Variants in MYO3B observed in about 807,000 individuals in gnomAD.
MYO3B encodes the protein myosin-IIIb.
MYO3B carries 156 observed loss-of-function variants against 174.6 expected under a neutral mutation model. The observed-to-expected ratio is 0.89, with a 90% confidence interval of 0.78 to 1.02. MYO3B has a LOEUF of 1.02. MYO3B is among the 50% of genes least tolerant of loss of function. MYO3B has a pLI of 0.00. For missense variants in MYO3B, 1,632 were observed against 1,639.4 expected (o/e 1.00, Z 0.08); for synonymous variants, 563 against 569.1 (o/e 0.99, Z 0.15).
At chr2:170,551,611 TG>T (rs1244312801) in intron 32 of MYO3B, among the ~76,000 whole-genome samples, 3 of 139,848 alleles carry the variant, frequency 2.1e-5, no homozygotes, top group Non-Finnish European at 3.1e-5. Context: ...TTGAGGCTTG[TG>T]GGCATGAGGA....
At chr2:170,387,569 G>A (rs774841474) in intron 14 of MYO3B, among the ~76,000 whole-genome samples, 3 of 152,154 alleles carry the variant, frequency 2.0e-5, no homozygotes, top group Non-Finnish European at 2.9e-5. Flanking sequence ...GTAGAATTTA[G>A]CAGCATTGCA....
intron 32 of MYO3B, among the ~76,000 whole-genome samples, chr2:170,557,620 T>C (rs756781001): frequency 7.2e-5 from 11 of 152,142 alleles, no homozygotes; most frequent in Non-Finnish European, 1.5e-4. Context: ...ATGTTTGATA[T>C]AATACAGGGA....
chr2:170,647,869 T>TAAAC (rs1698498027), intron 32 of MYO3B: 1 of 152,192 alleles, frequency 6.6e-6, no homozygotes, highest in South Asian at 2.1e-4. Flanking sequence ...TGATAAAATG[T>TAAAC]AAACACTATA....
intron 7 of MYO3B, among the ~76,000 whole-genome samples, chr2:170,289,205 A>G (rs1222810420): frequency 6.6e-6 from 1 of 152,050 alleles, no homozygotes; most frequent in East Asian, 1.9e-4. Context: ...TTTGGTATCA[A>G]GGTGATGCTG....
At chr2:170,205,706 C>A (rs962160399) in intron 3 of MYO3B, among the ~76,000 whole-genome samples, 1 of 152,094 alleles carries the variant, frequency 6.6e-6, no homozygotes, top group African/African-American at 2.4e-5. Context: ...CTTGACCCTG[C>A]CTCTCTTGAT....
chr2:170,530,209 A>G (rs539421396), intron 30 of MYO3B, among the ~76,000 whole-genome samples: 1 of 152,272 alleles, frequency 6.6e-6, no homozygotes, highest in East Asian at 1.9e-4. Context: ...GAAGACAGAG[A>G]GCAATAGAGA....
intron 9 of MYO3B, among the ~76,000 whole-genome samples, chr2:170,375,464 C>T (rs1558937594): frequency 6.6e-6 from 1 of 151,550 alleles, no homozygotes; most frequent in Non-Finnish European, 1.5e-5. Context: ...CCCTAAATGC[C>T]AAGGGTCTGT....
intron 32 of MYO3B, among the ~76,000 whole-genome samples, chr2:170,555,898 A>C (rs1302016895): frequency 6.7e-6 from 1 of 149,818 alleles, no homozygotes; most frequent in Non-Finnish European, 1.5e-5. Context: ...ATATGCATTT[A>C]AGATTCCTCC....
chr2:170,195,719 T>C (rs1454451318), intron 1 of MYO3B, among the ~76,000 whole-genome samples: 1 of 152,168 alleles, frequency 6.6e-6, no homozygotes, highest in Non-Finnish European at 1.5e-5. Context: ...AGCATGAGTC[T>C]GGAGCCCCCA....
At chr2:170,351,597 C>T (rs2094070625) in intron 8 of MYO3B, among the ~76,000 whole-genome samples, 1 of 151,888 alleles carries the variant, frequency 6.6e-6, no homozygotes, top group South Asian at 2.1e-4. Flanking sequence ...GCAGACATAA[C>T]CATAACATTA....
chr2:170,272,692 C>A (rs1373903964), intron 7 of MYO3B, among the ~76,000 whole-genome samples: 2 of 152,166 alleles, frequency 1.3e-5, no homozygotes, highest in African/African-American at 4.8e-5. Context: ...TGAGAGGTGA[C>A]TGGACCATGA....
intron 15 of MYO3B, among the ~76,000 whole-genome samples, chr2:170,392,154 G>A (rs2094416653): frequency 6.6e-6 from 1 of 151,178 alleles, no homozygotes; most frequent in Admixed American, 6.6e-5. Context: ...TTAGCTGGGT[G>A]TGGTGGCATA....
intron 25 of MYO3B, among the ~76,000 whole-genome samples, chr2:170,488,521 A>G (rs2106035548): frequency 6.6e-6 from 1 of 152,376 alleles, no homozygotes; most frequent in Non-Finnish European, 1.5e-5. Context: ...ATACAGAAAT[A>G]AAGATGAATG....
chr2:170,227,297 T>TG (rs971336033), intron 6 of MYO3B, among the ~76,000 whole-genome samples: 23 of 151,946 alleles, frequency 1.5e-4, no homozygotes, highest in African/African-American at 5.6e-4. Context: ...TGAGGGGAAG[T>TG]GGGGGGGTAC....
At chr2:170,438,759 T>A (rs2094776031) in intron 22 of MYO3B, among the ~76,000 whole-genome samples, 1 of 152,000 alleles carries the variant, frequency 6.6e-6, no homozygotes, top group Non-Finnish European at 1.5e-5. Flanking sequence ...CTCAGCCTCC[T>A]GAGTAGCTGG....
intron 33 of MYO3B, 131 bp from the exon 34 acceptor site, chr2:170,651,977 G>A (rs1699042530): frequency 1.1e-6 from 1 of 901,316 alleles, no homozygotes; most frequent in African/African-American, 4.6e-5. Flanking sequence ...TGAGCCCTTT[G>A]ATCAAAAAAA....
At chr2:170,314,087 A>G (rs975974580) in intron 7 of MYO3B, among the ~76,000 whole-genome samples, 1 of 152,160 alleles carries the variant, frequency 6.6e-6, no homozygotes, top group African/African-American at 2.4e-5. Context: ...CATTTTCAGA[A>G]AAGTAACATC....
At chr2:170,246,878 T>G (rs759937545) in intron 7 of MYO3B, among the ~76,000 whole-genome samples, 1 of 151,996 alleles carries the variant, frequency 6.6e-6, no homozygotes, top group Non-Finnish European at 1.5e-5. Context: ...AGGGAGGTAT[T>G]CTTCCTAGGA....
rs143813334 is a variant in MYO3B at position 170,448,239 on chromosome 2, C to T, written c.2730+4193C>T. Reference sequence around the variant, plus strand: ...AACTAAGTTCCTCCTGAAGTTAGTTCGGCCTACACCCAGGAATGAACAAGG... The same window carrying T: ...AACTAAGTTCCTCCTGAAGTTAGTTTGGCCTACACCCAGGAATGAACAAGG... On this transcript the variant is annotated intron_variant, in intron 23 of 34. Transcript: ENST00000408978. Among the ~76,000 whole-genome samples, 654 of 152,254 alleles carry T rather than the reference C, an allele frequency of 4.3e-3. 4 individuals carry two copies. The highest frequency in any genetic ancestry group is 0.015 in the African/African-American group (634 of 41,552).
Sources: gnomAD v4.1 joint callset for allele counts (sites outside exome capture counted in the v4.1 genomes callset) on GRCh38, gnomAD v4.1.1 for gene constraint, MANE v1.5 for transcripts, NCBI Gene and HGNC (gene_info 2026-07-23, HGNC 2026-07-21) for gene names.